The following POFUT3 variants were observed in gnomAD, a reference collection of about 807,000 sequenced individuals.
The protein encoded by POFUT3 is protein O-fucosyltransferase 3.
chr8:33,448,417 CAG>C, the POFUT3 span, among the ~76,000 whole-genome samples: 10 of 152,114 alleles, frequency 6.6e-5, no homozygotes, highest in African/African-American at 2.4e-4. Context: ...GCCTGAGCGA[CAG>C]AGTGAGATCC....
chr8:33,345,582 G>C, the POFUT3 span, among the ~76,000 whole-genome samples: 1 of 149,470 alleles, frequency 6.7e-6, no homozygotes, highest in South Asian at 2.1e-4. Flanking sequence ...TGTATTTTTA[G>C]TAGAGACAGG....
At chr8:33,467,026 A>C in the POFUT3 span, among the ~76,000 whole-genome samples, 2 of 152,062 alleles carry the variant, frequency 1.3e-5, no homozygotes, top group African/African-American at 4.8e-5. Flanking sequence ...GGATTGCTTG[A>C]ACCCAGGAGG....
the POFUT3 span, among the ~76,000 whole-genome samples, chr8:33,449,255 T>C: frequency 1.3e-5 from 2 of 149,572 alleles, no homozygotes; most frequent in African/African-American, 4.9e-5. Context: ...CAGGAATGGT[T>C]TGTAGGTGTT....
the POFUT3 span, among the ~76,000 whole-genome samples, chr8:33,429,822 C>T: frequency 1.3e-5 from 2 of 151,950 alleles, no homozygotes; most frequent in Non-Finnish European, 2.9e-5. Context: ...ATGGTGAAAC[C>T]CTATCCCTAC....
the POFUT3 span, among the ~76,000 whole-genome samples, chr8:33,395,071 G>A: frequency 3.9e-5 from 6 of 152,152 alleles, no homozygotes; most frequent in African/African-American, 1.4e-4. Context: ...CAACTGGCTT[G>A]CAATTAGGTT....
chr8:33,444,867 A>G, the POFUT3 span, among the ~76,000 whole-genome samples: 1 of 150,830 alleles, frequency 6.6e-6, no homozygotes, highest in Non-Finnish European at 1.5e-5. Context: ...ATGGATGTCT[A>G]TTTTAAACAA....
At chr8:33,442,413 A>G in the POFUT3 span, among the ~76,000 whole-genome samples, 87,671 of 149,920 alleles carry the variant, frequency 0.58, 25,718 homozygotes, top group African/African-American at 0.63. Flanking sequence ...TCAGCCTCCC[A>G]AACAGCTGGG....
chr8:33,429,633 GA>G, the POFUT3 span, among the ~76,000 whole-genome samples: 2 of 151,866 alleles, frequency 1.3e-5, no homozygotes, highest in Non-Finnish European at 2.9e-5. Flanking sequence ...AGCCGAGGAA[GA>G]AAAGGTACAG....
At chr8:33,433,007 G>A in the POFUT3 span, among the ~76,000 whole-genome samples, 1 of 152,104 alleles carries the variant, frequency 6.6e-6, no homozygotes, top group Admixed American at 6.6e-5. Flanking sequence ...GCCGAGGCAA[G>A]TAGAACACCT....
chr8:33,377,681 G>A, the POFUT3 span: 1 of 152,334 alleles, frequency 6.6e-6, no homozygotes, highest in Non-Finnish European at 1.5e-5. Flanking sequence ...AAGTGTGTCT[G>A]ATGAAGTAGT....
the POFUT3 span, among the ~76,000 whole-genome samples, chr8:33,317,901 T>A: frequency 2.6e-5 from 4 of 152,172 alleles, no homozygotes; most frequent in Non-Finnish European, 4.4e-5. Flanking sequence ...CCATCCTTCA[T>A]CCTCATGTCA....
At chr8:33,345,744 C>T in the POFUT3 span, among the ~76,000 whole-genome samples, 3 of 151,486 alleles carry the variant, frequency 2.0e-5, no homozygotes, top group Non-Finnish European at 4.4e-5. Flanking sequence ...TAAGGAGGTA[C>T]CAGCATGATG....
At chr8:33,342,835 G>A in the POFUT3 span, among the ~76,000 whole-genome samples, 2 of 152,140 alleles carry the variant, frequency 1.3e-5, no homozygotes, top group African/African-American at 4.8e-5. Flanking sequence ...GCCAGGCACA[G>A]TGGCTCACAC....
the POFUT3 span, among the ~76,000 whole-genome samples, chr8:33,410,574 C>T: frequency 9.9e-5 from 15 of 152,120 alleles, no homozygotes; most frequent in Non-Finnish European, 1.8e-4. Flanking sequence ...AGAAGTCTCC[C>T]ACTCAATACA....
At chr8:33,394,847 A>C in the POFUT3 span, among the ~76,000 whole-genome samples, 1 of 152,170 alleles carries the variant, frequency 6.6e-6, no homozygotes, top group African/African-American at 2.4e-5. Context: ...CACTAGCCTT[A>C]TTAGTACAAC....
the POFUT3 span, among the ~76,000 whole-genome samples, chr8:33,348,484 A>G: frequency 6.6e-6 from 1 of 152,150 alleles, no homozygotes; most frequent in Non-Finnish European, 1.5e-5. Context: ...ATGAAAGTGT[A>G]TATGTGTGAG....
the POFUT3 span, among the ~76,000 whole-genome samples, chr8:33,418,460 G>A: frequency 7.7e-6 from 1 of 129,918 alleles, no homozygotes; most frequent in Non-Finnish European, 1.6e-5. Flanking sequence ...GCACCACCAC[G>A]CCCAGCTAAT....
chr8:33,384,206 T>C, the POFUT3 span, among the ~76,000 whole-genome samples: 3 of 152,108 alleles, frequency 2.0e-5, no homozygotes, highest in African/African-American at 7.2e-5. Flanking sequence ...CACTGACCCA[T>C]GAACAGGACA....
At chr8:33,440,589 C>T in the POFUT3 span, among the ~76,000 whole-genome samples, 1 of 152,092 alleles carries the variant, frequency 6.6e-6, no homozygotes, top group Non-Finnish European at 1.5e-5. Flanking sequence ...CAAATTATCC[C>T]AAATCATAAC....
Sources: allele counts gnomAD v4.1 joint callset (sites outside exome capture counted in the v4.1 genomes callset), GRCh38; gene constraint gnomAD v4.1.1; transcripts MANE v1.5; gene names NCBI Gene and HGNC (gene_info 2026-07-23, HGNC 2026-07-21).